The following GRIA4 variants were observed in gnomAD, a reference collection of about 807,000 sequenced individuals.
The protein encoded by GRIA4 is glutamate receptor 4.
In GRIA4, 34 loss-of-function variants were observed where a neutral mutation model predicts 104.0. The observed-to-expected ratio is 0.33, with a 90% CI of 0.25 to 0.44. The LOEUF (loss-of-function observed/expected upper bound fraction) is 0.44, where lower values mean the gene tolerates loss of function less well. GRIA4 is among the 20% of genes least tolerant of loss of function. The pLI, the probability that GRIA4 is intolerant of heterozygous loss-of-function variation, is 1.00. For missense variants in GRIA4, 750 were observed against 1,096.5 expected, an observed-to-expected ratio of 0.68 and a Z score of 4.46; for synonymous variants, 386 against 381.9, an observed-to-expected ratio of 1.01 and a Z score of -0.13.
intron 3 of GRIA4, among the ~76,000 whole-genome samples, chr11:105,637,265 G>T (rs1951230644): frequency 6.6e-6 from 1 of 152,032 alleles, no homozygotes; most frequent in Non-Finnish European, 1.5e-5. Flanking sequence ...ATTAACAATA[G>T]AATTCTACAC....
chr11:105,829,379 A>T (rs1943890304), intron 4 of GRIA4, among the ~76,000 whole-genome samples: 1 of 152,026 alleles, frequency 6.6e-6, no homozygotes, highest in South Asian at 2.1e-4. Flanking sequence ...CTCATGTTTC[A>T]TCTTCTTACT....
chr11:105,648,412 A>G (rs1053845277), intron 3 of GRIA4, among the ~76,000 whole-genome samples: 1 of 151,308 alleles, frequency 6.6e-6, no homozygotes, highest in Non-Finnish European at 1.5e-5. Context: ...TAAAAATTGG[A>G]TAAATTATTT....
intron 4 of GRIA4, among the ~76,000 whole-genome samples, chr11:105,837,924 A>G (rs575332731): frequency 3.3e-5 from 5 of 152,040 alleles, no homozygotes; most frequent in Non-Finnish European, 7.4e-5. Context: ...TTTCCAATAC[A>G]CTCCTAATGG....
chr11:105,797,324 T>C (rs1942522094), intron 4 of GRIA4, among the ~76,000 whole-genome samples: 1 of 152,172 alleles, frequency 6.6e-6, no homozygotes, highest in African/African-American at 2.4e-5. Flanking sequence ...TACAAGGGTA[T>C]GGAATTAAGG....
intron 3 of GRIA4, among the ~76,000 whole-genome samples, chr11:105,733,573 C>T (rs1938736516): frequency 6.6e-6 from 1 of 152,128 alleles, no homozygotes; most frequent in South Asian, 2.1e-4. Context: ...TCTGCTGCCT[C>T]AGCCTCCCAA....
At position 105,611,080 on chromosome 11, in the gene GRIA4, A is replaced by C. The variant is rs150577695; in HGVS notation, c.83A>C (p.Gln28Pro). The change falls in exon 2 of 17, where the codon CAA becomes CCA. Residue 28 changes from glutamine (Q) to proline (P), a missense_variant. Physicochemically the swap from Gln to Pro is moderately conservative, Grantham distance 76. This residue lies in a region of GRIA4 where 410 missense variants were observed against 502.7 expected (regional missense o/e 0.82). Transcript: ENST00000282499. ...ATGGGAGCCTTTCCGAGCAGCGTGCAAATAGGTAAGGTGTGCTCCGATGGG... is the reference window on the plus strand; with the variant it reads ...ATGGGAGCCTTTCCGAGCAGCGTGCCAATAGGTAAGGTGTGCTCCGATGGG... ...LAMGAFPSSV[Q>P]IGGLFIRNTD... The C allele has an allele frequency of 1.2e-6, 2 of 1,611,212 alleles. No individual in the cohort carries two copies. Among genetic ancestry groups the C allele is most frequent in the Non-Finnish European group, 1.7e-6 (2 of 1,177,522 alleles).
intron 3 of GRIA4, among the ~76,000 whole-genome samples, chr11:105,690,215 C>A (rs1309561664): frequency 6.6e-6 from 1 of 152,106 alleles, no homozygotes; most frequent in Non-Finnish European, 1.5e-5. Context: ...AGGGAGAATT[C>A]CTTGATTTCC....
chr11:105,979,512 G>A (rs1181555183), intron 16 of GRIA4, 63 bp from the exon 17 acceptor site: 2 of 1,392,184 alleles, frequency 1.4e-6, no homozygotes, highest in Non-Finnish European at 2.0e-6. Context: ...GGAACATATT[G>A]TTGAAGAAAC....
intron 3 of GRIA4, among the ~76,000 whole-genome samples, chr11:105,673,101 G>T (rs144758500): frequency 1.4e-3 from 219 of 152,058 alleles, no homozygotes; most frequent in African/African-American, 4.9e-3. Context: ...ATACCATCTG[G>T]TTCCTATTCA....
intron 3 of GRIA4, among the ~76,000 whole-genome samples, chr11:105,680,924 A>G (rs1172030837): frequency 6.6e-6 from 1 of 152,138 alleles, no homozygotes; most frequent in Non-Finnish European, 1.5e-5. Context: ...CTCATACATT[A>G]CAACATCCTC....
chr11:105,897,779 A>G (rs1405279009), intron 6 of GRIA4, among the ~76,000 whole-genome samples: 2 of 152,152 alleles, frequency 1.3e-5, no homozygotes, highest in East Asian at 3.9e-4. Flanking sequence ...ACAGTGAGTT[A>G]TCTTTTTGAT....
rs538297804 is a variant in GRIA4, at chr11:105,892,002, A to C, written c.726+4430A>C. ...TTTGGCCTTGAAAAAGATTTTTAAT[A>C]GATACAAAAATGAGGTTCAGTGTAA... On this transcript the variant is annotated intron_variant, in intron 6 of 16. Transcript: ENST00000282499. 2.0e-5 allele frequency among the ~76,000 whole-genome samples: 3 copies of C among 152,190 alleles called. No homozygotes were observed. In the East Asian group the frequency reaches 5.8e-4, roughly 29 times the overall value.
chr11:105,957,425 A>G (rs1021576239), intron 14 of GRIA4, among the ~76,000 whole-genome samples: 27 of 152,118 alleles, frequency 1.8e-4, no homozygotes, highest in Non-Finnish European at 3.4e-4. Flanking sequence ...AGTTGTAGAT[A>G]TGCGGCATTA....
At chr11:105,869,036 T>A (rs527997548) in intron 5 of GRIA4, among the ~76,000 whole-genome samples, 2 of 152,146 alleles carry the variant, frequency 1.3e-5, no homozygotes, top group Non-Finnish European at 2.9e-5. Flanking sequence ...ACAGATCTGC[T>A]GGACTAGTGC....
At chr11:105,960,450 G>A (rs28651967) in intron 14 of GRIA4, among the ~76,000 whole-genome samples, 1 of 152,206 alleles carries the variant, frequency 6.6e-6, no homozygotes, top group Non-Finnish European at 1.5e-5. Context: ...AGTGGGCTGT[G>A]GGGACAAGTC....
chr11:105,961,066 C>T (rs1333344293), intron 14 of GRIA4, among the ~76,000 whole-genome samples: 1 of 152,188 alleles, frequency 6.6e-6, no homozygotes, highest in Non-Finnish European at 1.5e-5. Flanking sequence ...ATCTTGGCCC[C>T]GCCCATCCGA....
chr11:105,616,358 T>A (rs1950600438), intron 3 of GRIA4, among the ~76,000 whole-genome samples: 1 of 151,680 alleles, frequency 6.6e-6, no homozygotes, highest in Non-Finnish European at 1.5e-5. Context: ...TGTGGCTGAT[T>A]TATTTGTGGA....
rs140328801 is a variant in GRIA4 at position 105,748,680 on chromosome 11, G to A, written c.248-4301G>A. On this transcript the variant is annotated intron_variant, in intron 3 of 16. Transcript: ENST00000282499. ...TTACAGGCATGAGCCACCGCGCCCC[G>A]CCCCTAGAATCACTTTTGTGATACT... 7.0e-3 allele frequency among the ~76,000 whole-genome samples: 1,064 copies of A among 152,116 alleles called. 22 individuals carry two copies. Among genetic ancestry groups the A allele is most frequent in the African/African-American group, 0.025 (1,023 of 41,500 alleles).
intron 3 of GRIA4, among the ~76,000 whole-genome samples, chr11:105,669,515 T>A (rs1442685921): frequency 2.0e-5 from 3 of 152,132 alleles, no homozygotes; most frequent in African/African-American, 7.2e-5. Flanking sequence ...ACCACATTTT[T>A]AAACTAACAA....
Sources: allele counts gnomAD v4.1 joint callset (sites outside exome capture counted in the v4.1 genomes callset), GRCh38; gene constraint gnomAD v4.1.1; regional missense constraint gnomAD v4.1.1; transcripts MANE v1.5; gene names NCBI Gene and HGNC (gene_info 2026-07-23, HGNC 2026-07-21).